CNTNAP4: variants seen among roughly 807,000 people sequenced by gnomAD.
CNTNAP4 encodes the protein contactin-associated protein-like 4.
A neutral mutation model predicts 148.4 loss-of-function variants in CNTNAP4; 98 were observed. That is an observed-to-expected ratio of 0.66 (90% confidence interval 0.56 to 0.78). The LOEUF is 0.78. CNTNAP4 is among the 30% of genes least tolerant of loss of function. The probability of loss-of-function intolerance (pLI) is 0.00; values close to 1 mark genes in which losing one functional copy is unlikely to be tolerated. For missense variants in CNTNAP4, 1,935 were observed against 1,565.6 expected (o/e 1.24, Z -3.98); for synonymous variants, 730 against 565.1 (o/e 1.29, Z -4.14).
chr16:76,506,596 A>G lies in CNTNAP4; in HGVS notation c.2365+7902A>G, dbSNP rs868776318. On this transcript the variant is annotated intron_variant, in intron 15 of 23. Coordinates refer to ENST00000611870, the MANE Select transcript of CNTNAP4 (RefSeq NM_033401.5). Reference sequence around the variant, plus strand: ...AGTGATTCTCCTGCCTCAGCCTCCCAAGTAGCTCGGATTACAGGCGTGTGC... The same window carrying G: ...AGTGATTCTCCTGCCTCAGCCTCCCGAGTAGCTCGGATTACAGGCGTGTGC... Among the ~76,000 whole-genome samples, 24 of 84,546 alleles carry G rather than the reference A, an allele frequency of 2.8e-4. 2 individuals are homozygous for G. Among genetic ancestry groups the G allele is most frequent in the African/African-American group, 6.8e-4 (24 of 35,364 alleles). The allele number at this position is 84,546 out of a possible 152,430, so 55.5% of individuals were successfully genotyped here. A position where few individuals can be genotyped will look rare whatever the true frequency, so the allele number is the denominator to read the frequency against.
At chr16:76,291,251 C>G (rs1360271414) in intron 1 of CNTNAP4, among the ~76,000 whole-genome samples, 3 of 152,190 alleles carry the variant, frequency 2.0e-5, no homozygotes, top group East Asian at 1.9e-4. Context: ...AGATACATTG[C>G]TTTTACAGGT....
At chr16:76,499,494 G>A (rs188118105) in intron 15 of CNTNAP4, among the ~76,000 whole-genome samples, 4 of 150,900 alleles carry the variant, frequency 2.7e-5, no homozygotes, top group African/African-American at 7.3e-5. Context: ...TTATTACAAC[G>A]CTGTTTATTT....
At chr16:76,432,378 T>G (rs568337934) in intron 4 of CNTNAP4, 1 of 152,242 alleles carries the variant, frequency 6.6e-6, no homozygotes, top group East Asian at 1.9e-4. Context: ...ATGTTCTACT[T>G]TTATGTCAGT....
intron 2 of CNTNAP4, among the ~76,000 whole-genome samples, chr16:76,339,626 ATTTTAC>A (rs977511129): frequency 2.6e-5 from 4 of 152,180 alleles, no homozygotes; most frequent in African/African-American, 4.8e-5. Context: ...AAGGTCTGTC[ATTTTAC>A]TTTTGTTATG....
chr16:76,396,415 G>T (rs1415662501), intron 3 of CNTNAP4, among the ~76,000 whole-genome samples: 1 of 152,152 alleles, frequency 6.6e-6, no homozygotes, highest in Non-Finnish European at 1.5e-5. Context: ...TATCAAGGAG[G>T]TAGGAAGAAT....
At chr16:76,541,628 C>T (rs868065837) in intron 21 of CNTNAP4, among the ~76,000 whole-genome samples, 29 of 152,272 alleles carry the variant, frequency 1.9e-4, no homozygotes, top group Middle Eastern at 3.4e-3. Context: ...ATTTGTACCT[C>T]AATTAATCAT....
In CNTNAP4 at chr16:76,277,641, G is replaced by C; in HGVS notation, c.-22G>C. 2 of 1,562,238 alleles carry C rather than the reference G, an allele frequency of 1.3e-6. No individual in the cohort carries two copies. The highest frequency in any genetic ancestry group is 2.3e-5 in the South Asian group (2 of 86,286). ...TCTGAGAGCCTCTCAAGATCTTTTG[G>C]GGGAGCCCAATAAATGTGAACATGG... is the stretch of plus-strand genomic sequence containing the variant. On this transcript the variant is annotated 5_prime_UTR_variant, in exon 1 of 24. Transcript: ENST00000611870.
chr16:76,434,689 A>T (rs1208467299), intron 4 of CNTNAP4, among the ~76,000 whole-genome samples: 1 of 152,200 alleles, frequency 6.6e-6, no homozygotes, highest in Non-Finnish European at 1.5e-5. Flanking sequence ...TTTTCTTGGT[A>T]GAGGCAGCTC....
chr16:76,355,090 G>T (rs2012398599), intron 2 of CNTNAP4, among the ~76,000 whole-genome samples: 1 of 152,066 alleles, frequency 6.6e-6, no homozygotes, highest in African/African-American at 2.4e-5. Context: ...AGTTCTCCCA[G>T]TTTTAGAAGG....
chr16:76,451,599 A>ATGTGTGTGTGTGTG (rs71134761), intron 7 of CNTNAP4, among the ~76,000 whole-genome samples: 12,002 of 141,182 alleles, frequency 0.085, 679 homozygotes, highest in Admixed American at 0.13. Flanking sequence ...TTTTAGATAG[A>ATGTGTGTGTGTGTG]TGTGTGTGTG....
intron 3 of CNTNAP4, among the ~76,000 whole-genome samples, chr16:76,406,252 A>G (rs572608779): frequency 6.6e-6 from 1 of 152,250 alleles, no homozygotes; most frequent in South Asian, 2.1e-4. Flanking sequence ...TGATGTTACT[A>G]TTGTAATATC....
chr16:76,356,969 C>A (rs752755093), intron 3 of CNTNAP4, among the ~76,000 whole-genome samples: 3 of 151,608 alleles, frequency 2.0e-5, no homozygotes, highest in African/African-American at 7.3e-5. Context: ...GAAGAAGTTG[C>A]CTATAAGCAG....
chr16:76,514,953 T>C (rs2083188990), intron 15 of CNTNAP4, among the ~76,000 whole-genome samples: 1 of 152,172 alleles, frequency 6.6e-6, no homozygotes, highest in South Asian at 2.1e-4. Flanking sequence ...ATTTAAAGCA[T>C]TTTTACTTTT....
intron 8 of CNTNAP4, among the ~76,000 whole-genome samples, chr16:76,454,878 A>T (rs1275695599): frequency 1.3e-5 from 2 of 152,180 alleles, no homozygotes; most frequent in African/African-American, 4.8e-5. Flanking sequence ...CAGCTACTGG[A>T]GATATATTTT....
At chr16:76,283,336 T>A (rs1226189178) in intron 1 of CNTNAP4, among the ~76,000 whole-genome samples, 1 of 151,960 alleles carries the variant, frequency 6.6e-6, no homozygotes, top group Non-Finnish European at 1.5e-5. Flanking sequence ...AAGAAATCGT[T>A]CTGTTATAAA....
intron 10 of CNTNAP4, among the ~76,000 whole-genome samples, chr16:76,474,872 C>G (rs1036525705): frequency 2.6e-5 from 4 of 152,070 alleles, no homozygotes; most frequent in Non-Finnish European, 5.9e-5. Context: ...GCCATAACAA[C>G]TTAGGAGCCT....
At chr16:76,320,032 G>A (rs1962239218) in intron 2 of CNTNAP4, among the ~76,000 whole-genome samples, 1 of 152,212 alleles carries the variant, frequency 6.6e-6, no homozygotes, top group Non-Finnish European at 1.5e-5. Context: ...AATGAGCAAA[G>A]GTTGGAAGAA....
At chr16:76,538,074 A>G in intron 18 of CNTNAP4, 42 bp from the exon 19 acceptor site, 1 of 891,748 alleles carries the variant, frequency 1.1e-6, no homozygotes, top group Non-Finnish European at 1.5e-6. Context: ...AAATCCTTGT[A>G]CTTAAAATTT....
intron 21 of CNTNAP4, among the ~76,000 whole-genome samples, chr16:76,551,016 A>G (rs1427982231): frequency 6.6e-6 from 1 of 152,180 alleles, no homozygotes. Flanking sequence ...TTTTCTTTTT[A>G]TAGAGGATGA....
Sources: gnomAD v4.1 joint callset for allele counts (sites outside exome capture counted in the v4.1 genomes callset) on GRCh38, gnomAD v4.1.1 for gene constraint, MANE v1.5 for transcripts, NCBI Gene and HGNC (gene_info 2026-07-23, HGNC 2026-07-21) for gene names.